The following HEPH variants were observed in gnomAD, a reference collection of about 807,000 sequenced individuals.
HEPH encodes hephaestin.
Under a neutral mutation model 80.8 loss-of-function variants are expected in HEPH, and 69 were observed. The ratio of observed to expected loss-of-function variants is 0.85; its 90% CI spans 0.70 to 1.04. The LOEUF (loss-of-function observed/expected upper bound fraction) is 1.04. HEPH is among the 50% of genes least tolerant of loss of function. The probability of loss-of-function intolerance (pLI) is 0.00; values close to 1 mark genes in which losing one functional copy is unlikely to be tolerated. For missense variants in HEPH, 1,115 were observed against 891.3 expected (o/e 1.25, Z -3.20); for synonymous variants, 431 against 322.8 (o/e 1.34, Z -3.60).
intron 15 of HEPH, among the ~76,000 whole-genome samples, chrX:66,212,266 A>AT (rs1371861350): frequency 2.9e-4 from 31 of 105,336 alleles, no homozygotes; most frequent in South Asian, 1.3e-3. Flanking sequence ...ATACTTTGTA[A>AT]TTTTTTTTTC....
intron 14 of HEPH, 90 bp downstream of exon 14, chrX:66,207,424 C>T: frequency 1.5e-6 from 1 of 648,646 alleles, no homozygotes; most frequent in Non-Finnish European, 2.2e-6. Flanking sequence ...CACTATTCCC[C>T]ATTCTCAATG....
intron 4 of HEPH, among the ~76,000 whole-genome samples, chrX:66,186,665 C>T (rs1039068648): frequency 9.8e-5 from 11 of 111,774 alleles, no homozygotes; most frequent in Non-Finnish European, 1.9e-4. Flanking sequence ...CCGTCTTCTG[C>T]GTCGCTCACG....
At chrX:66,186,402 G>A (rs1246480200) in intron 4 of HEPH, among the ~76,000 whole-genome samples, 8 of 111,635 alleles carry the variant, frequency 7.2e-5, no homozygotes, top group South Asian at 3.8e-4. Context: ...ATATAGTCTC[G>A]TGGTGCGCGG....
intron 17 of HEPH, 23 bp downstream of exon 17, chrX:66,256,353 T>C: frequency 9.0e-7 from 1 of 1,107,609 alleles, no homozygotes; most frequent in Non-Finnish European, 1.2e-6. Flanking sequence ...AAACCTACTC[T>C]TGTTCCAAAG....
rs1264729890 is a variant in HEPH, at chrX:66,173,754, G to A, written c.578G>A (p.Arg193Gln). The stretch of plus-strand genomic sequence containing the variant: ...TACCATTCTCATGTAGATGCTCCAC[G>A]AGACATTGCAACTGGCCTAATTGGG... The part of the protein sequence containing the change: ...WIYHSHVDAP[R>Q]DIATGLIGPL... The change falls in exon 4 of 21, where the codon CGA becomes CAA. Residue 193 changes from arginine to glutamine, a missense_variant. Around this residue, in one of 3 missense-constraint regions of HEPH, gnomAD observed 391 missense variants for 343.6 expected, o/e 1.14. Transcript: ENST00000343002. 17 of 1,202,886 alleles carry A rather than the reference G, an allele frequency of 1.4e-5. No homozygotes were observed. The highest frequency in any genetic ancestry group is 1.9e-5 in the Non-Finnish European group (17 of 891,622).
chrX:66,259,521 C>T (rs1453786266), intron 18 of HEPH, among the ~76,000 whole-genome samples: 1 of 111,747 alleles, frequency 8.9e-6, no homozygotes, highest in Non-Finnish European at 1.9e-5. Flanking sequence ...ATATATGCCT[C>T]ATTCATAGGG....
intron 18 of HEPH, 47 bp downstream of exon 18, chrX:66,259,026 G>A (rs764474888): frequency 2.6e-6 from 3 of 1,142,111 alleles, no homozygotes; most frequent in Non-Finnish European, 3.5e-6. Flanking sequence ...TTAGAACAGT[G>A]GTTTAACAGC....
intron 3 of HEPH, among the ~76,000 whole-genome samples, chrX:66,173,002 A>G (rs1402342989): frequency 8.9e-6 from 1 of 112,154 alleles, no homozygotes; most frequent in African/African-American, 3.2e-5. Flanking sequence ...CCTAAAGGGG[A>G]GTTCAGCTTA....
intron 15 of HEPH, among the ~76,000 whole-genome samples, chrX:66,233,528 T>G (rs1002187658): frequency 9.0e-6 from 1 of 111,559 alleles, no homozygotes; most frequent in Non-Finnish European, 1.9e-5. Context: ...CTGAGCAGTT[T>G]GTTTGGACAG....
rs745683455 is a variant in HEPH, at chrX:66,188,502, AAAG to A, written c.774_776del (p.Glu258del). ...CTGCTCAGATCCTGCTTCAGTGGAC[AAAG>A]AAGATGAGACATTTCAGGAGAGCAA... On this transcript the variant is annotated inframe_deletion, in exon 5 of 21. Transcript: ENST00000343002. 32 of 1,209,071 alleles carry A rather than the reference AAAG, an allele frequency of 2.6e-5. No individual in the cohort carries two copies. The South Asian group carries it at 5.5e-4, about 21-fold the overall frequency.
intron 7 of HEPH, among the ~76,000 whole-genome samples, chrX:66,192,957 G>A (rs1428777358): frequency 9.0e-6 from 1 of 111,270 alleles, no homozygotes; most frequent in Non-Finnish European, 1.9e-5. Flanking sequence ...AACTAAGAGA[G>A]GGGTTGGGGG....
chrX:66,186,764 C>G (rs1033046823), intron 4 of HEPH, among the ~76,000 whole-genome samples: 3 of 112,398 alleles, frequency 2.7e-5, no homozygotes, highest in African/African-American at 9.7e-5. Flanking sequence ...ATTTGGATGT[C>G]TAGGCCTCTA....
chrX:66,216,911 C>A (rs1381558138), intron 15 of HEPH, among the ~76,000 whole-genome samples: 1 of 111,420 alleles, frequency 9.0e-6, no homozygotes, highest in African/African-American at 3.3e-5. Flanking sequence ...AAAGTCACAG[C>A]AGTAGAATTG....
At chrX:66,225,669 C>T (rs1485804168) in intron 15 of HEPH, among the ~76,000 whole-genome samples, 1 of 112,474 alleles carries the variant, frequency 8.9e-6, no homozygotes, top group Non-Finnish European at 1.9e-5. Flanking sequence ...GCTGCTCTGG[C>T]AAGGCATTCC....
rs768257441 is a variant in HEPH, at chrX:66,172,467, G to T, written c.280G>T (p.Ala94Ser). ...ATACACAGATGAAGTGGCCCAGCCT[G>T]CCTGGTTGGGCTTCCTGGGGCCAGT... Reference protein sequence around the residue: ...DSYTDEVAQPAWLGFLGPVLQ... With the variant: ...DSYTDEVAQPSWLGFLGPVLQ... The change falls in exon 3 of 21, where the codon GCC becomes TCC. Residue 94 changes from alanine (A) to serine (S), a missense_variant. Coordinates refer to ENST00000343002, the MANE Select transcript of HEPH (RefSeq NM_001367233.3). The T allele has an allele frequency of 3.3e-6, 4 of 1,208,561 alleles. No individual in the cohort carries two copies. The highest frequency in any genetic ancestry group is 4.5e-6 in the Non-Finnish European group (4 of 894,604).
At chrX:66,221,778 C>T (rs2147939268) in intron 15 of HEPH, among the ~76,000 whole-genome samples, 1 of 112,588 alleles carries the variant, frequency 8.9e-6, no homozygotes, top group Non-Finnish European at 1.9e-5. Flanking sequence ...TGTAGTTTAT[C>T]CAATTTACAT....
chrX:66,267,152 A>G lies in HEPH; in HGVS notation c.*480A>G, dbSNP rs748497157. On this transcript the variant is annotated 3_prime_UTR_variant, in exon 21 of 21. Coordinates refer to ENST00000343002, the MANE Select transcript of HEPH (RefSeq NM_001367233.3). ...ATAGGCTTGATGGGAAATTGAAGGT[A>G]GGCTGAGTATTGGGAATCCAAATTG... The G allele has an allele frequency of 8.5e-6, 1 of 117,207 alleles. No homozygotes were observed. The highest frequency in any genetic ancestry group is 1.8e-5 in the Non-Finnish European group (1 of 56,000). The allele number at this position is 117,207 out of a possible 1,213,427, so 9.7% of individuals were successfully genotyped here.
At chrX:66,264,950 C>T (rs2091489073) in intron 20 of HEPH, among the ~76,000 whole-genome samples, 1 of 108,122 alleles carries the variant, frequency 9.2e-6, no homozygotes, top group Admixed American at 1.0e-4. Flanking sequence ...ATACATTCCT[C>T]ATAAGCTCTC....
chrX:66,207,125 C>G (rs1475666137), intron 13 of HEPH, 70 bp from the exon 14 acceptor site: 3 of 1,057,410 alleles, frequency 2.8e-6, no homozygotes, highest in Non-Finnish European at 3.8e-6. Context: ...ACTTAGCTTC[C>G]CCATAAATAC....
Sources: allele counts gnomAD v4.1 joint callset (sites outside exome capture counted in the v4.1 genomes callset), GRCh38; gene constraint gnomAD v4.1.1; regional missense constraint gnomAD v4.1.1; transcripts MANE v1.5; gene names NCBI Gene and HGNC (gene_info 2026-07-23, HGNC 2026-07-21).